Variants in NCAPH observed in about 807,000 individuals in gnomAD.
The protein encoded by NCAPH is condensin complex subunit 2.
In NCAPH, 38 loss-of-function variants were observed where a neutral mutation model predicts 85.5. That is an observed-to-expected ratio of 0.44 (90% confidence interval 0.34 to 0.58). The LOEUF is 0.58. Among genes scored for constraint, NCAPH ranks in the 20% least tolerant of loss-of-function variants. NCAPH has a pLI of 0.01. For synonymous variants in NCAPH, 301 were observed against 335.1 expected (o/e 0.90, Z 1.11); for missense variants, 789 against 916.6 (o/e 0.86, Z 1.80).
intron 6 of NCAPH, 122 bp from the exon 7 acceptor site, chr2:96,351,709 T>G: frequency 1.6e-6 from 1 of 609,312 alleles, no homozygotes; most frequent in Non-Finnish European, 2.5e-6. Context: ...CTTTTGACCA[T>G]GAGTGGAGAT....
In NCAPH at chr2:96,359,196, A is replaced by C. The variant is rs572252352; in HGVS notation, c.1357+3A>C. On this transcript the variant is annotated splice_donor_region_variant and intron_variant, in intron 10 of 17. Coordinates refer to ENST00000240423, the MANE Select transcript of NCAPH (RefSeq NM_015341.5). ...GCGCTTTAGGCCTCGACGCAAACGTATGTAATTCTAGGTGGAATTTTAAGA... is the reference window on the plus strand; with the variant it reads ...GCGCTTTAGGCCTCGACGCAAACGTCTGTAATTCTAGGTGGAATTTTAAGA... The C allele has an allele frequency of 6.2e-7, 1 of 1,613,532 alleles. No individual in the cohort carries two copies. Among genetic ancestry groups the C allele is most frequent in the Non-Finnish European group, 8.5e-7 (1 of 1,179,720 alleles).
intron 7 of NCAPH, among the ~76,000 whole-genome samples, chr2:96,352,482 C>G (rs1159838907): frequency 6.6e-6 from 1 of 152,240 alleles, no homozygotes; most frequent in Non-Finnish European, 1.5e-5. Flanking sequence ...GAACTGATCT[C>G]TCCTATTATC....
chr2:96,367,380 T>C lies in NCAPH; in HGVS notation c.1998+7T>C, dbSNP rs752126589. On this transcript the variant is annotated splice_region_variant and intron_variant, in intron 15 of 17. Coordinates refer to ENST00000240423, the MANE Select transcript of NCAPH (RefSeq NM_015341.5). Reference sequence around the variant, plus strand: ...AAAGGAGGCAGATGCAGAGGTCAGATGCTCTTGCCTGTTCTCTAGGTGCCC... The same window carrying C: ...AAAGGAGGCAGATGCAGAGGTCAGACGCTCTTGCCTGTTCTCTAGGTGCCC... 6.3e-7 allele frequency: 1 copy of C among 1,598,678 alleles called. No individual in the cohort carries two copies. The highest frequency in any genetic ancestry group is 8.6e-7 in the Non-Finnish European group (1 of 1,166,376).
chr2:96,343,890 C>T (rs548107748), intron 5 of NCAPH, among the ~76,000 whole-genome samples: 7 of 151,992 alleles, frequency 4.6e-5, no homozygotes, highest in South Asian at 2.1e-4. Context: ...TTTGTAGAGA[C>T]GGGGTTTTGT....
intron 12 of NCAPH, among the ~76,000 whole-genome samples, chr2:96,363,642 T>C (rs1185245630): frequency 6.6e-6 from 1 of 152,084 alleles, no homozygotes; most frequent in African/African-American, 2.4e-5. Context: ...CCTGCAAATA[T>C]TTGAAAGACT....
chr2:96,360,688 T>C lies in NCAPH; in HGVS notation c.1565T>C (p.Leu522Pro). ...FNYNVDTLVQ[L>P]HLKPGTRLLK... Reference sequence around the variant, plus strand: ...TACAATGTTGACACTCTGGTCCAGCTTCACCTCAAACCAGGCACCAGGGTA... The same window carrying C: ...TACAATGTTGACACTCTGGTCCAGCCTCACCTCAAACCAGGCACCAGGGTA... The change falls in exon 12 of 18, where the codon CTT becomes CCT. Residue 522 changes from leucine to proline, a missense_variant. By Grantham distance (98) the Leu-to-Pro change is moderately conservative (BLOSUM62 -3). Transcript: ENST00000240423. The C allele has an allele frequency of 2.5e-6, 4 of 1,614,190 alleles. No individual in the cohort carries two copies. In the South Asian group the frequency reaches 4.4e-5, roughly 18 times the overall value.
rs1293050243 is a variant in NCAPH at position 96,376,249 on chromosome 2, T to C, written c.*2898T>C. ...GAACCAGAATTTAAGGGCAGGAGAA[T>C]TTGCAAGATAGAATTTGCAATTTGC... On this transcript the variant is annotated 3_prime_UTR_variant, in exon 18 of 18. Transcript: ENST00000240423. 6.6e-6 allele frequency among the ~76,000 whole-genome samples: 1 copy of C among 152,156 alleles called. No homozygotes were observed. The highest frequency in any genetic ancestry group is 6.5e-5 in the Admixed American group (1 of 15,276).
intron 7 of NCAPH, 90 bp downstream of exon 7, chr2:96,352,110 C>G (rs1367151476): frequency 7.8e-7 from 1 of 1,286,004 alleles, no homozygotes; most frequent in African/African-American, 1.5e-5. Context: ...CCATCATGCT[C>G]TTATGTTGCT....
Position 96,369,428 on chromosome 2 carries a change from G to C in NCAPH, c.2094G>C (p.Leu698=). Residue 698 remains leucine, a synonymous_variant, in exon 17 of 18, where the codon CTG becomes CTC. Transcript: ENST00000240423. ...SGLTKDLQRS[L]PPVMAQNLSI... is the part of the protein sequence containing the mutation. The stretch of plus-strand genomic sequence containing the variant: ...ATACTTGCCCCTTTCTTTCCAGCCT[G>C]CCCCCTGTCATGGCTCAGAACCTCT... 1 of 1,613,956 alleles carries C rather than the reference G, an allele frequency of 6.2e-7. No homozygotes were observed.
Position 96,351,978 on chromosome 2 carries a change from G to A in NCAPH, c.868G>A (p.Glu290Lys), listed in dbSNP as rs747846825. 5 of 1,613,882 alleles carry A rather than the reference G, an allele frequency of 3.1e-6. No homozygotes were observed. The highest frequency in any genetic ancestry group is 2.2e-5 in the East Asian group (1 of 44,902). Residue 290 changes from glutamate to lysine, a missense_variant, in exon 7 of 18, where the codon GAG becomes AAG. By Grantham distance (56) the Glu-to-Lys change is moderately conservative. Coordinates refer to ENST00000240423, the MANE Select transcript of NCAPH (RefSeq NM_015341.5). ...VQTLSTGEPL[E>K]LPELGCVEMT... ...GACTCTCTCCACGGGAGAACCTCTC[G>A]AGTTGCCAGAGTTAGGTTGTGTAGA...
intron 6 of NCAPH, among the ~76,000 whole-genome samples, chr2:96,347,543 TG>T (rs1203542104): frequency 6.6e-6 from 1 of 152,028 alleles, no homozygotes; most frequent in Non-Finnish European, 1.5e-5. Context: ...AGGAACTAAG[TG>T]GGCGATAGAG....
intron 12 of NCAPH, among the ~76,000 whole-genome samples, chr2:96,361,330 G>A (rs1293307013): frequency 6.6e-6 from 1 of 152,056 alleles, no homozygotes; most frequent in Middle Eastern, 3.2e-3. Flanking sequence ...GATTATAGGT[G>A]TGAGCCACTG....
chr2:96,361,826 ATAT>A (rs1361483838), intron 12 of NCAPH, among the ~76,000 whole-genome samples: 1,402 of 118,596 alleles, frequency 0.012, 23 homozygotes, highest in African/African-American at 0.043. Flanking sequence ...ATATATATAT[ATAT>A]TTTTTTTTTT....
intron 6 of NCAPH, among the ~76,000 whole-genome samples, chr2:96,347,294 T>TTA (rs1553446032): frequency 1.3e-5 from 2 of 151,354 alleles, no homozygotes; most frequent in Admixed American, 6.6e-5. Context: ...TTTTTTTTTT[T>TTA]ATCACTTTTG....
chr2:96,352,129 C>A, intron 7 of NCAPH, 109 bp downstream of exon 7: 1 of 1,147,332 alleles, frequency 8.7e-7, no homozygotes, highest in Non-Finnish European at 1.2e-6. Flanking sequence ...CTTAAATTAC[C>A]CAGAAGTTTC....
chr2:96,351,255 A>C (rs1285513865), intron 6 of NCAPH, among the ~76,000 whole-genome samples: 1 of 152,236 alleles, frequency 6.6e-6, no homozygotes, highest in Non-Finnish European at 1.5e-5. Context: ...GATGTATTAT[A>C]AAAAAGCCAT....
Position 96,360,724 on chromosome 2 carries a change from T to C in NCAPH, c.1587+14T>C. The C allele has an allele frequency of 1.2e-6, 2 of 1,613,846 alleles. No homozygotes were observed. Among genetic ancestry groups the C allele is most frequent in the Non-Finnish European group, 1.7e-6 (2 of 1,179,898 alleles). ...CCAGGCACCAGGGTAAGCCTATTTC[T>C]TGGTTCCTTTAAGCACACAAGGTAT... On this transcript the variant is annotated intron_variant, in intron 12 of 17. Transcript: ENST00000240423.
chr2:96,340,642 G>A (rs1420758698), intron 1 of NCAPH, among the ~76,000 whole-genome samples: 1 of 151,786 alleles, frequency 6.6e-6, no homozygotes, highest in African/African-American at 2.4e-5. Flanking sequence ...CACCCACCTC[G>A]GCCTCCCAAA....
chr2:96,339,605 A>G (rs2064264023), intron 1 of NCAPH, among the ~76,000 whole-genome samples: 1 of 151,806 alleles, frequency 6.6e-6, no homozygotes, highest in Non-Finnish European at 1.5e-5. Context: ...AAAAAAAAAA[A>G]AAAAGAGAAG....
Sources: allele counts gnomAD v4.1 joint callset (sites outside exome capture counted in the v4.1 genomes callset), GRCh38; gene constraint gnomAD v4.1.1; transcripts MANE v1.5; gene names NCBI Gene and HGNC (gene_info 2026-07-23, HGNC 2026-07-21).